TMEM74: variants seen among roughly 807,000 people sequenced by gnomAD.
TMEM74 encodes transmembrane protein 74.
Under a neutral mutation model 18.1 loss-of-function variants are expected in TMEM74, and 13 were observed. That is an observed-to-expected ratio of 0.72 (90% confidence interval 0.47 to 1.14). The LOEUF is 1.14. Ranked by LOEUF, TMEM74 falls within the 50% of genes most tolerant of loss-of-function variation. TMEM74 has a pLI of 0.00. For synonymous variants in TMEM74, 159 were observed against 146.6 expected (o/e 1.08, Z -0.61); for missense variants, 372 against 375.9 (o/e 0.99, Z 0.09).
intron 1 of TMEM74, among the ~76,000 whole-genome samples, chr8:108,710,815 T>C (rs1023122789): frequency 2.0e-5 from 3 of 152,298 alleles, no homozygotes; most frequent in East Asian, 1.9e-4. Flanking sequence ...TGTCTCTCTC[T>C]CTCCTTCTCT....
chr8:108,711,032 G>A (rs1813470526), intron 1 of TMEM74, among the ~76,000 whole-genome samples: 1 of 152,178 alleles, frequency 6.6e-6, no homozygotes, highest in South Asian at 2.1e-4. Flanking sequence ...GCACAGCCAT[G>A]TTCTTTACAT....
In TMEM74 at chr8:108,772,854, C is replaced by T. The variant is rs1234960460; in HGVS notation, n.119+14622G>A. ...TTTCTATGATAAGTCTAACTTTGCT[C>T]ATGTATAACATAAGGATAATAAAAG... On this transcript the variant is annotated intron_variant and non_coding_transcript_variant, in intron 1 of 3. Coordinates refer to the TMEM74 transcript ENST00000518838. Among the ~76,000 whole-genome samples the T allele has an allele frequency of 3.3e-5, 5 of 151,980 alleles. No individual in the cohort carries two copies. The East Asian group carries it at 7.7e-4, about 23-fold the overall frequency.
At chr8:108,639,622 G>C (rs1312204884) in intron 2 of TMEM74, among the ~76,000 whole-genome samples, 1 of 152,120 alleles carries the variant, frequency 6.6e-6, no homozygotes, top group Non-Finnish European at 1.5e-5. Context: ...CCTTTTGGGT[G>C]GGATAATTTT....
intron 1 of TMEM74, among the ~76,000 whole-genome samples, chr8:108,741,446 T>A (rs1450874213): frequency 6.6e-6 from 1 of 152,172 alleles, no homozygotes; most frequent in African/African-American, 2.4e-5. Context: ...TAAAAATAGA[T>A]CATCAAGTAA....
At chr8:108,612,339 T>A (rs749153657) in intron 2 of TMEM74, among the ~76,000 whole-genome samples, 1 of 152,162 alleles carries the variant, frequency 6.6e-6, no homozygotes, top group East Asian at 1.9e-4. Flanking sequence ...ATTAAAATAA[T>A]TAAAATAATA....
At chr8:108,749,858 A>G (rs1035335011) in intron 1 of TMEM74, among the ~76,000 whole-genome samples, 17 of 152,138 alleles carry the variant, frequency 1.1e-4, no homozygotes, top group African/African-American at 4.1e-4. Context: ...TCAGATTAGT[A>G]ACCACAGATA....
In TMEM74 at chr8:108,783,644, A is replaced by G. The variant is rs868063621; in HGVS notation, c.*537T>C. The G allele has an allele frequency of 6.6e-6, 1 of 152,202 alleles. No homozygotes were observed. The highest frequency in any genetic ancestry group is 6.5e-5 in the Admixed American group (1 of 15,274). The allele number at this position is 152,202 out of a possible 1,614,324, so 9.4% of individuals were successfully genotyped here. ...CATTTTTTACAATAAGGAAAGCCCA[A>G]CATCCTCAAACTTCAAAATATTCAA... On this transcript the variant is annotated 3_prime_UTR_variant, in exon 2 of 2. Transcript: ENST00000297459.
intron 1 of TMEM74, among the ~76,000 whole-genome samples, chr8:108,673,318 C>T (rs553990376): frequency 6.6e-6 from 1 of 152,270 alleles, no homozygotes; most frequent in South Asian, 2.1e-4. Flanking sequence ...ACTTGGAGTA[C>T]TCAGTACCTA....
At chr8:108,719,396 ATCT>A in intron 1 of TMEM74, among the ~76,000 whole-genome samples, 1 of 152,190 alleles carries the variant, frequency 6.6e-6, no homozygotes, top group East Asian at 1.9e-4. Flanking sequence ...TATTGGATCG[ATCT>A]TCTATTTTGG....
chr8:108,712,418 G>A (rs1813483452), intron 1 of TMEM74, among the ~76,000 whole-genome samples: 1 of 152,064 alleles, frequency 6.6e-6, no homozygotes, highest in South Asian at 2.1e-4. Flanking sequence ...TATGTCTGTT[G>A]ACTCATAGTT....
intron 2 of TMEM74, among the ~76,000 whole-genome samples, chr8:108,624,159 C>A (rs915891670): frequency 1.3e-5 from 2 of 152,040 alleles, no homozygotes; most frequent in African/African-American, 4.8e-5. Flanking sequence ...ATTTTGACCT[C>A]CTTTTATAGA....
chr8:108,649,933 G>A (rs187779647), intron 2 of TMEM74, among the ~76,000 whole-genome samples: 251 of 152,162 alleles, frequency 1.6e-3, no homozygotes, highest in Middle Eastern at 6.8e-3. Flanking sequence ...CAAAATAGAG[G>A]CCATCAGATA....
chr8:108,615,929 G>A (rs1356745385), intron 2 of TMEM74, among the ~76,000 whole-genome samples: 1 of 149,336 alleles, frequency 6.7e-6, no homozygotes, highest in Non-Finnish European at 1.5e-5. Flanking sequence ...TGGGACTACA[G>A]GCACGTGCCA....
intron 2 of TMEM74, among the ~76,000 whole-genome samples, chr8:108,622,599 T>C (rs1277775996): frequency 6.6e-6 from 1 of 152,108 alleles, no homozygotes; most frequent in Non-Finnish European, 1.5e-5. Flanking sequence ...GAACTCATTA[T>C]GTTATATGCT....
rs1490407439 is a variant in TMEM74 at position 108,787,593 on chromosome 8, C to G, written c.-157G>C. The G allele has an allele frequency of 1.3e-5, 2 of 152,210 alleles. No homozygotes were observed. Among genetic ancestry groups the G allele is most frequent in the Non-Finnish European group, 2.9e-5 (2 of 68,048 alleles). 9.4% of individuals were successfully genotyped at this position (152,210 alleles called of 1,614,324 possible). On this transcript the variant is annotated 5_prime_UTR_variant, in exon 1 of 2. Transcript: ENST00000297459. Reference sequence around the variant, plus strand: ...TGTAGCCTCTGCACGCCGCTCGGCTCCGCCGGGTGGGCAGCGCCCGCCACG... The same window carrying G: ...TGTAGCCTCTGCACGCCGCTCGGCTGCGCCGGGTGGGCAGCGCCCGCCACG...
At chr8:108,684,580 A>T (rs4735073) in intron 1 of TMEM74, among the ~76,000 whole-genome samples, 27,088 of 151,700 alleles carry the variant, frequency 0.18, 2,924 homozygotes, top group East Asian at 0.42. Flanking sequence ...TTTTAGTTTG[A>T]TATAATCCCA....
At chr8:108,730,313 C>A (rs906609244) in intron 1 of TMEM74, among the ~76,000 whole-genome samples, 32 of 152,152 alleles carry the variant, frequency 2.1e-4, no homozygotes, top group African/African-American at 7.5e-4. Flanking sequence ...ATCACTCTGG[C>A]TGTGGCTTGC....
At chr8:108,646,471 G>T (rs1368740743) in intron 2 of TMEM74, among the ~76,000 whole-genome samples, 1 of 152,130 alleles carries the variant, frequency 6.6e-6, no homozygotes, top group Non-Finnish European at 1.5e-5. Flanking sequence ...TTCAAAATTA[G>T]TGACAATGTA....
chr8:108,640,753 A>G (rs1472209832), intron 2 of TMEM74, among the ~76,000 whole-genome samples: 1 of 152,154 alleles, frequency 6.6e-6, no homozygotes, highest in Non-Finnish European at 1.5e-5. Context: ...ATTTTGGCCT[A>G]GTTGGTATCT....
Sources: gnomAD v4.1 joint callset for allele counts (sites outside exome capture counted in the v4.1 genomes callset) on GRCh38, gnomAD v4.1.1 for gene constraint, MANE v1.5 for transcripts, NCBI Gene and HGNC (gene_info 2026-07-23, HGNC 2026-07-21) for gene names.